LUZP2: variants seen among roughly 807,000 people sequenced by gnomAD.
LUZP2 encodes the protein leucine zipper protein 2.
A neutral mutation model predicts 51.6 loss-of-function variants in LUZP2; 52 were observed. The ratio of observed to expected loss-of-function variants is 1.01; its 90% CI spans 0.81 to 1.27. The LOEUF is 1.27. Among genes scored for constraint, LUZP2 ranks in the 50% most tolerant of loss-of-function variants. The pLI is 0.00. For synonymous variants in LUZP2, 154 were observed against 137.3 expected (o/e 1.12, Z -0.85); for missense variants, 436 against 395.4 (o/e 1.10, Z -0.87).
At chr11:24,561,223 C>A (rs2133772099) in intron 1 of LUZP2, among the ~76,000 whole-genome samples, 1 of 152,172 alleles carries the variant, frequency 6.6e-6, no homozygotes, top group South Asian at 2.1e-4. Context: ...TTAATTAGGT[C>A]ATTTTAATAT....
intron 1 of LUZP2, among the ~76,000 whole-genome samples, chr11:24,605,479 A>G (rs905285313): frequency 1.3e-5 from 2 of 151,846 alleles, no homozygotes; most frequent in South Asian, 4.1e-4. Context: ...CAATAAAGTT[A>G]TATAATAAAA....
chr11:24,848,404 G>T (rs7928281), intron 5 of LUZP2, among the ~76,000 whole-genome samples: 30,111 of 151,914 alleles, frequency 0.2, 3,088 homozygotes, highest in South Asian at 0.24. Flanking sequence ...AGTTATCTGT[G>T]CAGGATAGCC....
intron 5 of LUZP2, among the ~76,000 whole-genome samples, chr11:24,801,741 T>G (rs1484048478): frequency 1.3e-5 from 2 of 151,466 alleles, no homozygotes; most frequent in Admixed American, 1.3e-4. Flanking sequence ...AAAACTTTCC[T>G]AAATTTATTT....
At chr11:24,712,054 A>G (rs1184946693) in intron 1 of LUZP2, among the ~76,000 whole-genome samples, 1 of 152,216 alleles carries the variant, frequency 6.6e-6, no homozygotes, top group East Asian at 1.9e-4. Context: ...AAAGCAGAAT[A>G]GCAGTTAAAA....
intron 1 of LUZP2, among the ~76,000 whole-genome samples, chr11:24,547,560 AC>A (rs1851595776): frequency 6.6e-6 from 1 of 152,154 alleles, no homozygotes; most frequent in African/African-American, 2.4e-5. Flanking sequence ...CATATGTAAT[AC>A]AAAAATCTAC....
At chr11:24,520,165 G>A (rs558994536) in intron 1 of LUZP2, among the ~76,000 whole-genome samples, 2 of 152,070 alleles carry the variant, frequency 1.3e-5, no homozygotes, top group Non-Finnish European at 2.9e-5. Flanking sequence ...CCTTAAAAGG[G>A]GAAATCAGGT....
chr11:24,967,961 ACT>A (rs1855635625), intron 7 of LUZP2, among the ~76,000 whole-genome samples: 1 of 151,874 alleles, frequency 6.6e-6, no homozygotes, highest in Admixed American at 6.6e-5. Flanking sequence ...TATTACAGAG[ACT>A]CTGTATTTTA....
At chr11:24,645,835 T>C (rs1259529300) in intron 1 of LUZP2, among the ~76,000 whole-genome samples, 2 of 130,030 alleles carry the variant, frequency 1.5e-5, no homozygotes, top group Non-Finnish European at 3.3e-5. Context: ...TGGACATATA[T>C]ATTAAGTGTG....
chr11:24,758,412 A>C (rs1424780539), intron 4 of LUZP2, among the ~76,000 whole-genome samples: 2 of 151,934 alleles, frequency 1.3e-5, no homozygotes, highest in African/African-American at 4.8e-5. Context: ...TGATGGTGGA[A>C]TCTAGGGAAA....
intron 9 of LUZP2, among the ~76,000 whole-genome samples, chr11:24,998,227 C>T (rs4486586): frequency 0.41 from 62,735 of 151,810 alleles, 14,004 homozygotes; most frequent in Non-Finnish European, 0.49. Flanking sequence ...GCCATTTTCA[C>T]GATATCGATT....
At chr11:24,727,496 T>C (rs1432181500) in intron 1 of LUZP2, among the ~76,000 whole-genome samples, 1 of 152,092 alleles carries the variant, frequency 6.6e-6, no homozygotes, top group Non-Finnish European at 1.5e-5. Context: ...ATATATAATA[T>C]GACAGCATAT....
intron 1 of LUZP2, among the ~76,000 whole-genome samples, chr11:24,531,605 T>C (rs777843444): frequency 1.3e-5 from 2 of 150,932 alleles, no homozygotes; most frequent in Non-Finnish European, 3.0e-5. Context: ...TTCAACCTTC[T>C]AGTAACCATC....
chr11:24,628,214 C>A (rs1174829916), intron 1 of LUZP2, among the ~76,000 whole-genome samples: 4 of 49,906 alleles, frequency 8.0e-5, no homozygotes, highest in African/African-American at 2.3e-4. Context: ...CCCATGCATA[C>A]ACACACACAC....
At chr11:24,623,626 A>T (rs537058706) in intron 1 of LUZP2, among the ~76,000 whole-genome samples, 11 of 152,224 alleles carry the variant, frequency 7.2e-5, no homozygotes, top group Non-Finnish European at 1.0e-4. Flanking sequence ...CAGGCAGATT[A>T]CCTAAAGTCG....
At chr11:24,564,657 C>G (rs1852157937) in intron 1 of LUZP2, among the ~76,000 whole-genome samples, 1 of 152,068 alleles carries the variant, frequency 6.6e-6, no homozygotes, top group Non-Finnish European at 1.5e-5. Context: ...TATCTAGAAG[C>G]TACTGTTGAT....
At chr11:24,996,574 T>C (rs889116019) in intron 9 of LUZP2, among the ~76,000 whole-genome samples, 1 of 4,186 alleles carries the variant, frequency 2.4e-4, no homozygotes, top group African/African-American at 2.5e-4. Flanking sequence ...TTTTTCTTTT[T>C]TTATTTTATT....
intron 5 of LUZP2, among the ~76,000 whole-genome samples, chr11:24,836,920 G>A (rs1209433196): frequency 1.3e-5 from 2 of 151,780 alleles, no homozygotes; most frequent in Non-Finnish European, 3.0e-5. Flanking sequence ...ATCCTCATTA[G>A]CATGTTAGCA....
intron 1 of LUZP2, among the ~76,000 whole-genome samples, chr11:24,707,628 A>G (rs1857641501): frequency 6.6e-6 from 1 of 152,106 alleles, no homozygotes; most frequent in South Asian, 2.1e-4. Flanking sequence ...AACCAGAAGT[A>G]CCAGAGTCCA....
rs11028174 is a variant in LUZP2 at position 24,786,698 on chromosome 11, T to G, written c.396+23390T>G. On this transcript the variant is annotated intron_variant, in intron 5 of 11. Transcript: ENST00000336930. ...TATATTATGTATTTATATATAAATA[T>G]GTATATTATGTATTTATATATATAT... is the stretch of plus-strand genomic sequence containing the variant. 2.1e-3 allele frequency: 280 copies of G among 131,096 alleles called. 1 individual carries two copies. Among genetic ancestry groups the G allele is most frequent in the East Asian group, 4.2e-3 (15 of 3,598 alleles). 8.1% of individuals were successfully genotyped at this position (131,096 alleles called of 1,614,324 possible). A position where few individuals can be genotyped will look rare whatever the true frequency, so the allele number is the denominator to read the frequency against.
Sources: allele counts gnomAD v4.1 joint callset (sites outside exome capture counted in the v4.1 genomes callset), GRCh38; gene constraint gnomAD v4.1.1; transcripts MANE v1.5; gene names NCBI Gene and HGNC (gene_info 2026-07-23, HGNC 2026-07-21).